Variants in WWOX observed in about 807,000 individuals in gnomAD.
WWOX encodes the protein WW domain containing oxidoreductase.
A neutral mutation model predicts 46.2 loss-of-function variants in WWOX; 69 were observed. The ratio of observed to expected loss-of-function variants is 1.49; its 90% CI spans 1.23 to 1.82. The LOEUF (loss-of-function observed/expected upper bound fraction) is 1.82, where lower values mean the gene tolerates loss of function less well. Among genes scored for constraint, WWOX ranks in the 40% most tolerant of loss-of-function variants. The pLI, the probability that WWOX is intolerant of heterozygous loss-of-function variation, is 0.00. For synonymous variants in WWOX, 359 were observed against 202.6 expected, an observed-to-expected ratio of 1.77 and a Z score of -6.56; for missense variants, 919 against 542.6, an observed-to-expected ratio of 1.69 and a Z score of -6.89.
intron 8 of WWOX, among the ~76,000 whole-genome samples, chr16:78,768,933 C>G (rs369939522): frequency 6.6e-6 from 1 of 152,020 alleles, no homozygotes; most frequent in Non-Finnish European, 1.5e-5. Flanking sequence ...GGGAGGAGGA[C>G]GGTTTCCATT....
At chr16:78,891,656 T>C (rs530256639) in intron 8 of WWOX, 3 of 152,324 alleles carry the variant, frequency 2.0e-5, no homozygotes, top group Non-Finnish European at 4.4e-5. Flanking sequence ...TATTGAACTA[T>C]TGCCCGTCAT....
At chr16:78,722,902 C>G (rs1031893940) in intron 8 of WWOX, among the ~76,000 whole-genome samples, 3 of 151,726 alleles carry the variant, frequency 2.0e-5, no homozygotes, top group Admixed American at 6.6e-5. Context: ...ATTAGCCAGG[C>G]GCAGTGGCTC....
At chr16:79,072,674 TCATCACCATCAC>T (rs376523894) in intron 8 of WWOX, among the ~76,000 whole-genome samples, 1 of 152,236 alleles carries the variant, frequency 6.6e-6, no homozygotes, top group Non-Finnish European at 1.5e-5. Flanking sequence ...GTCATCTTCA[TCATCACCATCAC>T]CATCACCATC....
chr16:78,968,179 GTGGCACAGTGCGTGGTCTGCA>G (rs1597217645), intron 8 of WWOX, among the ~76,000 whole-genome samples: 1 of 149,948 alleles, frequency 6.7e-6, no homozygotes, highest in African/African-American at 2.5e-5. Flanking sequence ...CGTGGTCTGC[GTGGCACAGTGCGTGGTCTGCA>G]TGGCACAGCA....
rs368570228 is a variant in WWOX, at chr16:78,396,023, G to C, written c.605+9075G>C. Among the ~76,000 whole-genome samples the C allele has an allele frequency of 5.9e-5, 9 of 152,236 alleles. No individual in the cohort carries two copies. The East Asian group carries it at 7.7e-4, about 13-fold the overall frequency. ...AATCCTTAAGTACAGTGGAACCCCA[G>C]AGCACTCTACCTGCTTTCTTTCTCA... is the stretch of plus-strand genomic sequence containing the variant. On this transcript the variant is annotated intron_variant, in intron 6 of 8. Coordinates refer to ENST00000566780, the MANE Select transcript of WWOX (RefSeq NM_016373.4).
At chr16:78,726,247 A>T (rs1228279669) in intron 8 of WWOX, among the ~76,000 whole-genome samples, 2 of 145,634 alleles carry the variant, frequency 1.4e-5, no homozygotes, top group South Asian at 4.3e-4. Context: ...TTTTTTTGGA[A>T]ACAGTCTTGC....
In WWOX at chr16:78,937,216, A is replaced by G. The variant is rs149154932; in HGVS notation, c.1057-274392A>G. Among the ~76,000 whole-genome samples, 124 of 152,254 alleles carry G rather than the reference A, an allele frequency of 8.1e-4. 1 individual carries two copies. In the East Asian group the frequency reaches 0.016, roughly 20 times the overall value. On this transcript the variant is annotated intron_variant, in intron 8 of 8. Transcript: ENST00000566780. The stretch of plus-strand genomic sequence containing the variant: ...AGAGGGGAGCAGAGCAGAAGAGAAA[A>G]CTTTCAACTTTTAATAGTATTTCAA...
At chr16:78,378,754 G>T (rs193281434) in intron 5 of WWOX, among the ~76,000 whole-genome samples, 1 of 152,164 alleles carries the variant, frequency 6.6e-6, no homozygotes, top group African/African-American at 2.4e-5. Context: ...ATTAGAATTT[G>T]CAGGATGCCA....
chr16:78,924,726 C>G lies in WWOX; in HGVS notation c.1057-286882C>G, dbSNP rs188472506. ...TTAATACCTTGAATAAGTTTATAAT[C>G]TGGTCATTCTGTAGAGCTTCCTATA... On this transcript the variant is annotated intron_variant, in intron 8 of 8. Transcript: ENST00000566780. Among the ~76,000 whole-genome samples the G allele has an allele frequency of 1.7e-3, 252 of 152,312 alleles. 1 individual carries two copies. The highest frequency in any genetic ancestry group is 2.7e-3 in the Non-Finnish European group (182 of 68,036).
intron 8 of WWOX, among the ~76,000 whole-genome samples, chr16:78,461,078 T>C (rs959838411): frequency 6.6e-6 from 1 of 152,202 alleles, no homozygotes; most frequent in Non-Finnish European, 1.5e-5. Context: ...ACTGTGTTGC[T>C]TTGGAAGCTT....
rs142371654 is a variant in WWOX at position 78,766,861 on chromosome 16, C to T, written c.1056+334109C>T. Among the ~76,000 whole-genome samples, 837 of 152,256 alleles carry T rather than the reference C, an allele frequency of 5.5e-3. 5 individuals are homozygous for T. The highest frequency in any genetic ancestry group is 0.019 in the African/African-American group (810 of 41,540). Reference sequence around the variant, plus strand: ...AATTCATAGTCATTAAATATATTCACAATGTTGTGTAACCATCAGCATTAC... The same window carrying T: ...AATTCATAGTCATTAAATATATTCATAATGTTGTGTAACCATCAGCATTAC... On this transcript the variant is annotated intron_variant, in intron 8 of 8. Coordinates refer to ENST00000566780, the MANE Select transcript of WWOX (RefSeq NM_016373.4).
At chr16:78,928,237 C>G (rs2045544259) in intron 8 of WWOX, among the ~76,000 whole-genome samples, 1 of 144,568 alleles carries the variant, frequency 6.9e-6, no homozygotes, top group Non-Finnish European at 1.5e-5. Context: ...GAGTCTCGCT[C>G]TGTCGCCCAG....
chr16:78,254,893 A>C (rs1468139299), intron 5 of WWOX, among the ~76,000 whole-genome samples: 2 of 152,138 alleles, frequency 1.3e-5, no homozygotes, highest in Non-Finnish European at 1.5e-5. Flanking sequence ...AGCCCCAGTC[A>C]GGGTTGTTGA....
At chr16:79,103,904 G>T (rs1407929869) in intron 8 of WWOX, among the ~76,000 whole-genome samples, 1 of 151,958 alleles carries the variant, frequency 6.6e-6, no homozygotes, top group East Asian at 1.9e-4. Flanking sequence ...TGTCCTTCAG[G>T]CAAAGAGCTC....
At chr16:78,710,909 G>A (rs1184688545) in intron 8 of WWOX, among the ~76,000 whole-genome samples, 2 of 152,088 alleles carry the variant, frequency 1.3e-5, no homozygotes, top group African/African-American at 4.8e-5. Context: ...GAGCCACCAT[G>A]CCAAAGCCTA....
intron 5 of WWOX, among the ~76,000 whole-genome samples, chr16:78,295,058 T>C (rs1328988869): frequency 6.6e-6 from 1 of 152,174 alleles, no homozygotes; most frequent in Non-Finnish European, 1.5e-5. Flanking sequence ...GCCTGTGTCC[T>C]AGGTATTGTG....
chr16:78,475,352 C>T (rs1664708893), intron 8 of WWOX, among the ~76,000 whole-genome samples: 1 of 152,154 alleles, frequency 6.6e-6, no homozygotes, highest in South Asian at 2.1e-4. Context: ...TCAGCACCTT[C>T]TTAAAATATT....
At chr16:79,110,463 C>A (rs2049395894) in intron 8 of WWOX, among the ~76,000 whole-genome samples, 1 of 152,176 alleles carries the variant, frequency 6.6e-6, no homozygotes, top group Non-Finnish European at 1.5e-5. Context: ...CAGATAACAG[C>A]TGGAGCAGAG....
chr16:78,903,155 G>A (rs1236532230), intron 8 of WWOX, among the ~76,000 whole-genome samples: 1 of 152,186 alleles, frequency 6.6e-6, no homozygotes, highest in Non-Finnish European at 1.5e-5. Context: ...AGAATCTTCT[G>A]GAGTCTAAAT....
Sources: gnomAD v4.1 joint callset for allele counts (sites outside exome capture counted in the v4.1 genomes callset) on GRCh38, gnomAD v4.1.1 for gene constraint, MANE v1.5 for transcripts, NCBI Gene and HGNC (gene_info 2026-07-23, HGNC 2026-07-21) for gene names.